Variants in CLU observed in about 807,000 individuals in gnomAD.
CLU encodes the protein clusterin, also known as aging-associated protein 4.
Under a neutral mutation model 46.4 loss-of-function variants are expected in CLU, and 25 were observed. That is an observed-to-expected ratio of 0.54 (90% confidence interval 0.39 to 0.75). The LOEUF is 0.75. Among genes scored for constraint, CLU ranks in the 30% least tolerant of loss-of-function variants. The pLI is 0.00. For synonymous variants in CLU, 235 were observed against 235.1 expected, an observed-to-expected ratio of 1.00 and a Z score of 0.00; for missense variants, 504 against 592.1, an observed-to-expected ratio of 0.85 and a Z score of 1.54.
Position 27,599,780 on chromosome 8 carries a change from C to T in CLU, c.1164G>A (p.Thr388=), listed in dbSNP as rs1265794718. 4 of 1,604,742 alleles carry T rather than the reference C, an allele frequency of 2.5e-6. No individual in the cohort carries two copies. Among genetic ancestry groups the T allele is most frequent in the South Asian group, 1.1e-5 (1 of 89,744 alleles). The change falls in exon 7 of 9, where the codon ACG becomes ACA. Residue 388 remains threonine (T), a splice_region_variant and synonymous_variant. Transcript: ENST00000316403. This position sits in a 1 kb window ranked among gnomAD's most constrained non-coding sequence, Gnocchi z 4.0. ...GEDQYYLRVT[T]VASHTSDSDV... The stretch of plus-strand genomic sequence containing the variant: ...AGCATGTGGCCGGGACACAGCTCAC[C>T]GTGGTGACCCGCAGATAGTACTGGT...
intron 8 of CLU, 86 bp from the exon 9 acceptor site, chr8:27,598,336 TGGGC>T: frequency 6.3e-7 from 1 of 1,599,946 alleles, no homozygotes; most frequent in Non-Finnish European, 8.6e-7. Flanking sequence ...GCTTTGTTCT[TGGGC>T]TCTGGCTCCG....
At chr8:27,598,711 C>T in intron 7 of CLU, 76 bp from the exon 8 acceptor site, 1 of 1,458,822 alleles carries the variant, frequency 6.9e-7, no homozygotes, top group Non-Finnish European at 9.6e-7. Flanking sequence ...AGAAGTCAGG[C>T]TTCTGATAAG....
chr8:27,603,759 A>G (rs751928134), intron 6 of CLU, among the ~76,000 whole-genome samples: 16 of 152,100 alleles, frequency 1.1e-4, no homozygotes, highest in Non-Finnish European at 2.2e-4. Context: ...CAGCTCGCCC[A>G]TGTCGGGGTC....
At chr8:27,606,308 T>A in intron 4 of CLU, 46 bp downstream of exon 4, 1 of 1,606,156 alleles carries the variant, frequency 6.2e-7, no homozygotes, top group Non-Finnish European at 8.5e-7. Flanking sequence ...TAGGCTCCCC[T>A]CCTTCCCCAC....
intron 6 of CLU, 171 bp downstream of exon 6, chr8:27,604,120 C>T (rs1461631842): frequency 1.6e-6 from 1 of 641,006 alleles, no homozygotes; most frequent in Non-Finnish European, 2.8e-6. Context: ...AGATGAGGAA[C>T]CGAAGCTGCA....
intron 6 of CLU, among the ~76,000 whole-genome samples, chr8:27,601,646 CA>C (rs1395016329): frequency 6.6e-6 from 1 of 152,154 alleles, no homozygotes; most frequent in African/African-American, 2.4e-5. Flanking sequence ...AAACGTGAGT[CA>C]GGGGAAGGGA....
intron 7 of CLU, chr8:27,598,902 A>C (rs1293394056): frequency 2.1e-6 from 1 of 482,000 alleles, no homozygotes; most frequent in African/African-American, 2.6e-5. Flanking sequence ...AGTGGTTTCC[A>C]AACATTTGCT....
chr8:27,604,274 T>C lies in CLU; in HGVS notation c.934+17A>G. ...AGGGATCAGGGGGGACGGCTTGTGG[T>C]CTGGACCCCGACTCACCCACAGACA... On this transcript the variant is annotated intron_variant, in intron 6 of 8. Transcript: ENST00000316403. The C allele has an allele frequency of 6.2e-7, 1 of 1,606,150 alleles. No individual in the cohort carries two copies. Among genetic ancestry groups the C allele is most frequent in the Non-Finnish European group, 8.5e-7 (1 of 1,173,204 alleles).
At position 27,599,140 on chromosome 8, in the gene CLU, A is replaced by C. The variant is rs1800671648; in HGVS notation, c.1165-505T>G. Reference sequence around the variant, plus strand: ...CACAGCTCACTGCAGCCTCCACTTCAGGGCTCAGGCAATCCTCCCACCTCA... The same window carrying C: ...CACAGCTCACTGCAGCCTCCACTTCCGGGCTCAGGCAATCCTCCCACCTCA... On this transcript the variant is annotated intron_variant, in intron 7 of 8. Coordinates refer to ENST00000316403, the MANE Select transcript of CLU (RefSeq NM_001831.4). This position sits in a 1 kb window ranked among gnomAD's most constrained non-coding sequence, Gnocchi z 4.0. The C allele has an allele frequency of 6.5e-6, 1 of 154,790 alleles. No individual in the cohort carries two copies. Among genetic ancestry groups the C allele is most frequent in the Admixed American group, 6.4e-5 (1 of 15,608 alleles). 9.6% of individuals were successfully genotyped at this position (154,790 alleles called of 1,614,324 possible).
chr8:27,603,598 A>G (rs1800760213), intron 6 of CLU, among the ~76,000 whole-genome samples: 1 of 152,222 alleles, frequency 6.6e-6, no homozygotes, highest in Non-Finnish European at 1.5e-5. Flanking sequence ...GGAGGGGGAC[A>G]GTTAAAGGGA....
rs1401195010 is a variant in CLU at position 27,609,060 on chromosome 8, C to T, written c.124G>A (p.Val42Ile). 2.5e-6 allele frequency: 4 copies of T among 1,614,012 alleles called. No homozygotes were observed. Among genetic ancestry groups the T allele is most frequent in the African/African-American group, 1.3e-5 (1 of 74,938 alleles). Residue 42 changes from valine to isoleucine, a missense_variant, in exon 3 of 9, where the codon GTC becomes ATC. Val to Ile is a conservative substitution (Grantham distance 29, BLOSUM62 3). Around this residue, in one of 3 missense-constraint regions of CLU, gnomAD observed 73 missense variants for 91.2 expected, o/e 0.80. Transcript: ENST00000316403. Reference sequence around the variant, plus strand: ...ACAGCATTTTGAATTTCCTTATTGACGTACTTACTTCCCTGATTGGACATT... The same window carrying T: ...ACAGCATTTTGAATTTCCTTATTGATGTACTTACTTCCCTGATTGGACATT... ...QEMSNQGSKY[V>I]NKEIQNAVNG...
rs531300634 is a variant in CLU, at chr8:27,598,557, T to C, written c.1243A>G (p.Ile415Val). The C allele has an allele frequency of 3.7e-5, 60 of 1,614,082 alleles. 1 individual carries two copies. In the South Asian group the frequency reaches 6.4e-4, roughly 17 times the overall value. Residue 415 changes from isoleucine (I) to valine (V), a missense_variant, in exon 8 of 9, where the codon ATC (isoleucine) becomes GTC (valine). By Grantham distance (29) the Ile-to-Val change is conservative (BLOSUM62 3). Coordinates refer to ENST00000316403, the MANE Select transcript of CLU (RefSeq NM_001831.4). ...VVVKLFDSDP[I>V]TVTVPVEVSR... ...ACTTCTACAGGGACCGTCACAGTGA[T>C]GGGATCAGAGTCAAAGAGCTTCACG...
rs553977649 is a variant in CLU, at chr8:27,610,393, G to A, written c.97+82C>T. 1,115 of 1,104,648 alleles carry A rather than the reference G, an allele frequency of 1.0e-3. 12 individuals carry two copies. The South Asian group carries it at 0.012, about 12-fold the overall frequency. The allele number at this position is 1,104,648 out of a possible 1,614,324, so 68.4% of individuals were successfully genotyped here. A position where few individuals can be genotyped will look rare whatever the true frequency, so the allele number is the denominator to read the frequency against. ...GTCTGTAACACTGGGGCCTGATAGA[G>A]AGGCACTGAGCAGAATTAGCTACCC... is the stretch of plus-strand genomic sequence containing the variant. On this transcript the variant is annotated intron_variant, in intron 2 of 8. Transcript: ENST00000316403.
In CLU at chr8:27,598,649, G is replaced by C; in HGVS notation, c.1165-14C>G. 6.2e-7 allele frequency: 1 copy of C among 1,613,564 alleles called. No homozygotes were observed. The highest frequency in any genetic ancestry group is 8.5e-7 in the Non-Finnish European group (1 of 1,179,764). On this transcript the variant is annotated splice_polypyrimidine_tract_variant and intron_variant, in intron 7 of 8. Transcript: ENST00000316403. Reference sequence around the variant, plus strand: ...GTGGGAAGCCACCTAAATGGAACAAGAGAAAAGGGAAGAGCTGAAACACTG... The same window carrying C: ...GTGGGAAGCCACCTAAATGGAACAACAGAAAAGGGAAGAGCTGAAACACTG...
chr8:27,604,219 C>T (rs1800771737), intron 6 of CLU, 72 bp downstream of exon 6: 7 of 1,175,244 alleles, frequency 6.0e-6, no homozygotes, highest in South Asian at 1.2e-5. Context: ...AAAGGCAGCA[C>T]CAGTGAGGCC....
chr8:27,605,777 T>C (rs1800811313), intron 4 of CLU, among the ~76,000 whole-genome samples: 1 of 152,142 alleles, frequency 6.6e-6, no homozygotes, highest in Non-Finnish European at 1.5e-5. Flanking sequence ...GGCACACATC[T>C]ATAATCCCAA....
At position 27,599,968 on chromosome 8, in the gene CLU, C is replaced by G; in HGVS notation, c.976G>C (p.Glu326Gln). ...NNPSQAKLRR[E>Q]LDESLQVAER... ...GCGACCTGGAGGGATTCGTCGAGCT[C>G]CCGCCGCAGCTTAGCCTGGGAGGGG... The change falls in exon 7 of 9, where the codon GAG becomes CAG. Residue 326 changes from glutamate to glutamine, a missense_variant. Physicochemically the swap from Glu to Gln is conservative, Grantham distance 29. Transcript: ENST00000316403. The surrounding 1 kb of genome is among the most constrained non-coding windows in gnomAD (Gnocchi z 4.0). 1.2e-6 allele frequency: 2 copies of G among 1,614,182 alleles called. No homozygotes were observed. Among genetic ancestry groups the G allele is most frequent in the African/African-American group, 2.7e-5 (2 of 75,036 alleles).
rs372415096 is a variant in CLU at position 27,604,335 on chromosome 8, C to T, written c.890G>A (p.Arg297Gln). 1.3e-5 allele frequency: 21 copies of T among 1,614,194 alleles called. No homozygotes were observed. Among genetic ancestry groups the T allele is most frequent in the East Asian group, 8.9e-5 (4 of 44,880 alleles). ...EIRHNSTGCLRMKDQCDKCRE... is the reference protein window; with the variant it reads ...EIRHNSTGCLQMKDQCDKCRE... Reference sequence around the variant, plus strand: ...GCACTTGTCACACTGGTCCTTCATCCGCAGGCAGCCCGTGGAGTTGTGGCG... The same window carrying T: ...GCACTTGTCACACTGGTCCTTCATCTGCAGGCAGCCCGTGGAGTTGTGGCG... Residue 297 changes from arginine to glutamine, a missense_variant, in exon 6 of 9, where the codon CGG becomes CAG. Transcript: ENST00000316403.
At chr8:27,605,482 C>A in intron 4 of CLU, 147 bp from the exon 5 acceptor site, 1 of 768,308 alleles carries the variant, frequency 1.3e-6, no homozygotes, top group South Asian at 1.5e-5. Context: ...TGGGACCAGC[C>A]CCCAGCACCC....
Sources: gnomAD v4.1 joint callset for allele counts (sites outside exome capture counted in the v4.1 genomes callset) on GRCh38, gnomAD v4.1.1 for gene constraint, gnomAD v4.1.1 regional missense constraint, Gnocchi (gnomAD v3.1) non-coding constraint, MANE v1.5 for transcripts, NCBI Gene and HGNC (gene_info 2026-07-23, HGNC 2026-07-21) for gene names.